Variants in SLC51A observed in about 807,000 individuals in gnomAD.
The protein encoded by SLC51A is solute carrier family 51 member A.
Under a neutral mutation model 34.8 loss-of-function variants are expected in SLC51A, and 22 were observed. That is an observed-to-expected ratio of 0.63 (90% confidence interval 0.45 to 0.90). The LOEUF (loss-of-function observed/expected upper bound fraction) is 0.90. SLC51A is among the 40% of genes least tolerant of loss of function. The probability of loss-of-function intolerance (pLI) is 0.00; values close to 1 mark genes in which losing one functional copy is unlikely to be tolerated. For synonymous variants in SLC51A, 181 were observed against 176.3 expected, an observed-to-expected ratio of 1.03 and a Z score of -0.21; for missense variants, 371 against 414.8, an observed-to-expected ratio of 0.89 and a Z score of 0.92.
intron 2 of SLC51A, among the ~76,000 whole-genome samples, chr3:196,218,803 C>G (rs370941311): frequency 6.6e-6 from 1 of 151,906 alleles, no homozygotes; most frequent in Non-Finnish European, 1.5e-5. Flanking sequence ...CTCTGTTTTG[C>G]AGCTTCCCTT....
intron 2 of SLC51A, among the ~76,000 whole-genome samples, chr3:196,219,723 T>A (rs952284358): frequency 6.6e-6 from 1 of 152,214 alleles, no homozygotes; most frequent in African/African-American, 2.4e-5. Flanking sequence ...GTCGGGAGAC[T>A]TCCGGTTGCC....
chr3:196,227,568 T>C (rs772303057), intron 3 of SLC51A, 96 bp from the exon 4 acceptor site: 6 of 1,003,528 alleles, frequency 6.0e-6, no homozygotes, highest in South Asian at 1.3e-5. Context: ...CTGCCTCGAA[T>C]GTGTAGGTTT....
At chr3:196,221,793 A>G (rs755782322) in intron 2 of SLC51A, among the ~76,000 whole-genome samples, 4 of 150,450 alleles carry the variant, frequency 2.7e-5, no homozygotes, top group African/African-American at 4.9e-5. Context: ...TCAGCTCACT[A>G]CAAGCTCCGC....
At chr3:196,232,948 C>A in intron 8 of SLC51A, 115 bp from the exon 9 acceptor site, 1 of 1,073,080 alleles carries the variant, frequency 9.3e-7, no homozygotes, top group South Asian at 1.5e-5. Context: ...TCCCTAAGTC[C>A]TGATTTGGGG....
At chr3:196,227,424 TG>T (rs1277763262) in intron 3 of SLC51A, 3 of 593,516 alleles carry the variant, frequency 5.1e-6, no homozygotes, top group East Asian at 2.8e-5. Flanking sequence ...CCTCAGAGTG[TG>T]GGGGAAAGTC....
chr3:196,230,750 T>C (rs558701222), intron 7 of SLC51A, among the ~76,000 whole-genome samples: 2 of 152,168 alleles, frequency 1.3e-5, no homozygotes, highest in East Asian at 1.9e-4. Context: ...TCCCAAAGTA[T>C]TGGGATTATA....
At chr3:196,229,513 G>A (rs188089747) in intron 6 of SLC51A, among the ~76,000 whole-genome samples, 4 of 151,556 alleles carry the variant, frequency 2.6e-5, no homozygotes, top group Admixed American at 6.6e-5. Flanking sequence ...GAGTAGCTGG[G>A]ATTACAGGCA....
intron 2 of SLC51A, among the ~76,000 whole-genome samples, chr3:196,221,558 G>A (rs540948169): frequency 3.9e-5 from 6 of 151,944 alleles, no homozygotes; most frequent in South Asian, 2.1e-4. Context: ...GAATCACTGC[G>A]CCCGGCCTTA....
intron 2 of SLC51A, among the ~76,000 whole-genome samples, chr3:196,219,036 G>A (rs1723668905): frequency 6.6e-6 from 1 of 152,082 alleles, no homozygotes; most frequent in South Asian, 2.1e-4. Context: ...GACCAGCCTG[G>A]CCAACATGGT....
intron 2 of SLC51A, among the ~76,000 whole-genome samples, chr3:196,220,924 G>A (rs1394492125): frequency 7.3e-6 from 1 of 137,064 alleles, no homozygotes; most frequent in African/African-American, 2.7e-5. Context: ...GGGTCTCACT[G>A]TGTCACTCAG....
At chr3:196,220,157 C>A (rs1040569607) in intron 2 of SLC51A, among the ~76,000 whole-genome samples, 1 of 152,208 alleles carries the variant, frequency 6.6e-6, no homozygotes, top group Non-Finnish European at 1.5e-5. Context: ...AGGCCCGCTG[C>A]GCGCCGGGCT....
Position 196,226,962 on chromosome 3 carries a change from T to C in SLC51A, c.134-3T>C. The C allele has an allele frequency of 6.2e-7, 1 of 1,610,954 alleles. No individual in the cohort carries two copies. Among genetic ancestry groups the C allele is most frequent in the Non-Finnish European group, 8.5e-7 (1 of 1,178,460 alleles). The stretch of plus-strand genomic sequence containing the variant: ...GTCAGCTCTCTGCCTTCTCCTCCTC[T>C]AGCCCTGGGCCCTGTGGAACTTGCC... On this transcript the variant is annotated splice_region_variant and splice_polypyrimidine_tract_variant and intron_variant, in intron 2 of 8. Transcript: ENST00000296327.
chr3:196,217,036 G>A (rs1381004239), intron 1 of SLC51A, among the ~76,000 whole-genome samples: 1 of 152,212 alleles, frequency 6.6e-6, no homozygotes, highest in East Asian at 1.9e-4. Context: ...CAGCAGCAGG[G>A]GGCCCGTCCG....
At position 196,228,062 on chromosome 3, in the gene SLC51A, T is replaced by TG; in HGVS notation, c.363-52dup. ...CTCAGTAAGCCCCACCTCTCCCTGC[T>TG]GTCTTTCTCTCTGGCAGCAGACCTC... On this transcript the variant is annotated intron_variant, in intron 4 of 8. Coordinates refer to ENST00000296327, the MANE Select transcript of SLC51A (RefSeq NM_152672.6). This position sits in a 1 kb window ranked among gnomAD's most constrained non-coding sequence, Gnocchi z 4.9. 1 of 1,579,048 alleles carries TG rather than the reference T, an allele frequency of 6.3e-7. No homozygotes were observed. Among genetic ancestry groups the TG allele is most frequent in the Non-Finnish European group, 8.6e-7 (1 of 1,159,718 alleles).
At position 196,227,144 on chromosome 3, in the gene SLC51A, G is replaced by T. The variant is rs61071010; in HGVS notation, c.288+25G>T. On this transcript the variant is annotated intron_variant, in intron 3 of 8. Transcript: ENST00000296327. ...GGTGAGGCCCCCGGGGCTGCCCTGT[G>T]GGGGGAACTGAAAAGAAGGCAGAGA... 3.0e-5 allele frequency: 48 copies of T among 1,605,352 alleles called. 2 individuals carry two copies. In the Middle Eastern group the frequency reaches 6.7e-4, roughly 23 times the overall value.
chr3:196,226,330 C>T (rs1723892693), intron 2 of SLC51A, among the ~76,000 whole-genome samples: 1 of 151,084 alleles, frequency 6.6e-6, no homozygotes, highest in African/African-American at 2.4e-5. Context: ...CTCCTCCCCA[C>T]AAAAAAGTTC....
intron 2 of SLC51A, among the ~76,000 whole-genome samples, chr3:196,226,038 C>T (rs1012714677): frequency 3.9e-5 from 6 of 152,146 alleles, no homozygotes; most frequent in Non-Finnish European, 5.9e-5. Flanking sequence ...CTCCCCTGGC[C>T]GAGTGTGGTG....
At chr3:196,221,877 G>T (rs1014509577) in intron 2 of SLC51A, among the ~76,000 whole-genome samples, 1 of 151,864 alleles carries the variant, frequency 6.6e-6, no homozygotes, top group South Asian at 2.1e-4. Context: ...CACCACACCC[G>T]GCTAATTTTT....
intron 3 of SLC51A, 131 bp from the exon 4 acceptor site, chr3:196,227,533 T>C: frequency 1.3e-6 from 1 of 768,328 alleles, no homozygotes; most frequent in Non-Finnish European, 2.2e-6. Flanking sequence ...TAGTGCTTTT[T>C]CCAGCTGGCA....
Sources: gnomAD v4.1 joint callset for allele counts (sites outside exome capture counted in the v4.1 genomes callset) on GRCh38, gnomAD v4.1.1 for gene constraint, Gnocchi (gnomAD v3.1) non-coding constraint, MANE v1.5 for transcripts, NCBI Gene and HGNC (gene_info 2026-07-23, HGNC 2026-07-21) for gene names.